ANK3: variants seen among roughly 807,000 people sequenced by gnomAD.
The protein encoded by ANK3 is ankyrin-3.
Under a neutral mutation model 370.9 loss-of-function variants are expected in ANK3, and 57 were observed. That is an observed-to-expected ratio of 0.15 (90% confidence interval 0.12 to 0.19). The LOEUF (loss-of-function observed/expected upper bound fraction) is 0.19. Among genes scored for constraint, ANK3 ranks in the 10% least tolerant of loss-of-function variants. ANK3 has a pLI of 1.00. For missense variants in ANK3, 4,439 were observed against 5,302.1 expected, an observed-to-expected ratio of 0.84 and a Z score of 5.06; for synonymous variants, 1,929 against 1,946.3, an observed-to-expected ratio of 0.99 and a Z score of 0.23.
intron 1 of ANK3, among the ~76,000 whole-genome samples, chr10:60,372,214 G>T (rs775251496): frequency 3.9e-5 from 6 of 152,158 alleles, no homozygotes; most frequent in Non-Finnish European, 8.8e-5. Flanking sequence ...CCATGAAAAT[G>T]GTCTGAATGG....
intron 1 of ANK3, among the ~76,000 whole-genome samples, chr10:60,289,273 T>G (rs2040776521): frequency 6.6e-6 from 1 of 151,876 alleles, no homozygotes; most frequent in South Asian, 2.1e-4. Context: ...CCTTTTTTTT[T>G]TTTTTTTTTA....
At chr10:60,602,002 T>C (rs1028307525) in intron 2 of ANK3, among the ~76,000 whole-genome samples, 1 of 152,152 alleles carries the variant, frequency 6.6e-6, no homozygotes, top group Non-Finnish European at 1.5e-5. Flanking sequence ...TGCTTGTGCA[T>C]AAAATCTTCC....
intron 1 of ANK3, among the ~76,000 whole-genome samples, chr10:60,704,035 C>T (rs2079579825): frequency 6.6e-6 from 1 of 152,204 alleles, no homozygotes; most frequent in Admixed American, 6.5e-5. Flanking sequence ...AATACTTGCT[C>T]TTAGGCCATT....
At chr10:60,696,909 C>T (rs1298357181) in intron 1 of ANK3, among the ~76,000 whole-genome samples, 16 of 144,260 alleles carry the variant, frequency 1.1e-4, no homozygotes, top group South Asian at 7.1e-4. Flanking sequence ...CCAGGGCAAT[C>T]AGGCAGGAGA....
chr10:60,220,382 C>G (rs1441454864), intron 8 of ANK3, among the ~76,000 whole-genome samples: 2 of 152,168 alleles, frequency 1.3e-5, no homozygotes, highest in Non-Finnish European at 1.5e-5. Context: ...AAAACTACTT[C>G]AGGTCATGAT....
At chr10:60,053,843 G>GT in intron 42 of ANK3, 1 of 784,678 alleles carries the variant, frequency 1.3e-6, no homozygotes, top group Admixed American at 4.1e-5. Flanking sequence ...AACATCTTTG[G>GT]TTTTCTTGTG....
chr10:60,140,525 C>T (rs2094516232), intron 23 of ANK3: 1 of 1,468,364 alleles, frequency 6.8e-7, no homozygotes, highest in Admixed American at 2.5e-5. Flanking sequence ...ATCTTGATAT[C>T]CTCGTAGGCA....
intron 23 of ANK3, chr10:60,140,782 G>A (rs993959183): frequency 2.9e-5 from 30 of 1,024,886 alleles, no homozygotes; most frequent in East Asian, 9.0e-5. Flanking sequence ...GGACTGCTCC[G>A]GTGTAGACTT....
At chr10:60,393,609 C>G (rs2063157187), upstream of ANK3, among the ~76,000 whole-genome samples, 1 of 152,140 alleles carries the variant, frequency 6.6e-6, no homozygotes, top group Non-Finnish European at 1.5e-5. Flanking sequence ...GCCTTAAAGA[C>G]TTTAGATATC....
intron 2 of ANK3, among the ~76,000 whole-genome samples, chr10:60,522,415 T>G (rs2076369600): frequency 6.6e-6 from 1 of 151,728 alleles, no homozygotes; most frequent in Non-Finnish European, 1.5e-5. Flanking sequence ...GGCCCTTTTC[T>G]GTCTCCTTTG....
At chr10:60,253,421 C>A (rs1213118641) in intron 7 of ANK3, among the ~76,000 whole-genome samples, 1 of 152,218 alleles carries the variant, frequency 6.6e-6, no homozygotes, top group Non-Finnish European at 1.5e-5. Context: ...ATAGATCCCA[C>A]TCCACACGGG....
At chr10:60,602,864 G>GCTATTAT (rs1235480982) in intron 2 of ANK3, among the ~76,000 whole-genome samples, 1 of 151,908 alleles carries the variant, frequency 6.6e-6, no homozygotes, top group African/African-American at 2.4e-5. Flanking sequence ...CTAATATATA[G>GCTATTAT]CTATTACTTT....
chr10:60,380,005 C>T (rs551353712), intron 1 of ANK3, among the ~76,000 whole-genome samples: 3 of 151,538 alleles, frequency 2.0e-5, no homozygotes, highest in South Asian at 4.2e-4. Flanking sequence ...ATCGAAGAAC[C>T]CCCCCCAAAT....
intron 2 of ANK3, among the ~76,000 whole-genome samples, chr10:60,470,173 A>C (rs1408423019): frequency 5.9e-5 from 9 of 152,136 alleles, no homozygotes. Flanking sequence ...TGGGATATGA[A>C]GCATTTGAGC....
chr10:60,155,223 C>A (rs553576555), intron 23 of ANK3, among the ~76,000 whole-genome samples: 213 of 152,312 alleles, frequency 1.4e-3, no homozygotes, highest in Non-Finnish European at 2.1e-3. Flanking sequence ...CCTCCCCCAG[C>A]CCCAGGCAGC....
chr10:60,353,614 C>T (rs1048636723), intron 1 of ANK3, among the ~76,000 whole-genome samples: 2 of 152,132 alleles, frequency 1.3e-5, no homozygotes, highest in African/African-American at 4.8e-5. Flanking sequence ...GCCCACTGCC[C>T]CAGCTGAACA....
chr10:60,101,349 C>T (rs1320222432), intron 28 of ANK3, among the ~76,000 whole-genome samples: 1 of 152,088 alleles, frequency 6.6e-6, no homozygotes, highest in Admixed American at 6.5e-5. Flanking sequence ...TCCAAGATAA[C>T]AGCAAACTAC....
chr10:60,392,368 A>G (rs900608173), upstream of ANK3, among the ~76,000 whole-genome samples: 1 of 151,416 alleles, frequency 6.6e-6, no homozygotes, highest in African/African-American at 2.5e-5. Flanking sequence ...GAGATTAAAA[A>G]CTGGTATGAA....
intron 1 of ANK3, among the ~76,000 whole-genome samples, chr10:60,355,170 T>A (rs1055818793): frequency 6.6e-6 from 1 of 152,262 alleles, no homozygotes; most frequent in Non-Finnish European, 1.5e-5. Context: ...TTCTTCTTTT[T>A]ATAATCTGTA....
Sources: allele counts gnomAD v4.1 joint callset (sites outside exome capture counted in the v4.1 genomes callset), GRCh38; gene constraint gnomAD v4.1.1; transcripts MANE v1.5; gene names NCBI Gene and HGNC (gene_info 2026-07-23, HGNC 2026-07-21).